Variants in DYNC2H1 observed in about 807,000 individuals in gnomAD.
DYNC2H1 encodes dynein cytoplasmic 2 heavy chain 1.
Under a neutral mutation model 570.0 loss-of-function variants are expected in DYNC2H1, and 410 were observed. The observed-to-expected ratio is 0.72, with a 90% CI of 0.66 to 0.78. The LOEUF is 0.78. Ranked by LOEUF, DYNC2H1 falls within the 30% of genes least tolerant of loss-of-function variation. The pLI, the probability that DYNC2H1 is intolerant of heterozygous loss-of-function variation, is 0.00. For missense variants in DYNC2H1, 4,865 were observed against 5,046.4 expected (o/e 0.96, Z 1.09); for synonymous variants, 1,688 against 1,677.6 (o/e 1.01, Z -0.15).
chr11:103,167,237 G>C (rs1861359865), intron 31 of DYNC2H1, among the ~76,000 whole-genome samples: 2 of 151,170 alleles, frequency 1.3e-5, no homozygotes, highest in Non-Finnish European at 1.5e-5. Context: ...GTACTTCTTA[G>C]AGCACTTTTA....
chr11:103,473,858 G>T (rs902630235), intron 88 of DYNC2H1, among the ~76,000 whole-genome samples: 4 of 152,160 alleles, frequency 2.6e-5, no homozygotes, highest in Non-Finnish European at 5.9e-5. Flanking sequence ...TCTTCTGATA[G>T]GCACAATTGA....
At chr11:103,111,690 CT>C (rs955253138) in intron 1 of DYNC2H1, among the ~76,000 whole-genome samples, 53 of 147,136 alleles carry the variant, frequency 3.6e-4, no homozygotes, top group Middle Eastern at 3.5e-3. Context: ...GAAGGTAGAA[CT>C]TTTTTTTTTT....
chr11:103,144,098 A>G (rs967896348), intron 18 of DYNC2H1, among the ~76,000 whole-genome samples: 1 of 152,238 alleles, frequency 6.6e-6, no homozygotes, highest in African/African-American at 2.4e-5. Flanking sequence ...TGAATTGCTT[A>G]TTCTCTGGTA....
At chr11:103,432,352 A>G (rs1478079396) in intron 84 of DYNC2H1, among the ~76,000 whole-genome samples, 1 of 152,192 alleles carries the variant, frequency 6.6e-6, no homozygotes, top group Non-Finnish European at 1.5e-5. Context: ...GTTCTTCTGC[A>G]GCTTCTCCTG....
chr11:103,302,338 G>A (rs1345598772), intron 75 of DYNC2H1, among the ~76,000 whole-genome samples: 1 of 152,042 alleles, frequency 6.6e-6, no homozygotes, highest in Non-Finnish European at 1.5e-5. Flanking sequence ...ATAATGCTTA[G>A]TATTCAGTAG....
At chr11:103,148,758 A>G (rs140799352) in intron 20 of DYNC2H1, 141 bp downstream of exon 20, 63 of 1,125,732 alleles carry the variant, frequency 5.6e-5, no homozygotes, top group Admixed American at 2.6e-4. Flanking sequence ...TTACCTGGTT[A>G]GCTCATGATT....
intron 70 of DYNC2H1, among the ~76,000 whole-genome samples, chr11:103,266,372 C>T (rs1175270719): frequency 6.6e-6 from 1 of 152,082 alleles, no homozygotes; most frequent in Non-Finnish European, 1.5e-5. Context: ...GGCAGGGCCC[C>T]TGTGGGTGCA....
At chr11:103,238,122 G>A (rs1170005945) in intron 63 of DYNC2H1, among the ~76,000 whole-genome samples, 1 of 152,108 alleles carries the variant, frequency 6.6e-6, no homozygotes, top group Non-Finnish European at 1.5e-5. Context: ...GGGTGTGATT[G>A]GATAGCACGT....
intron 84 of DYNC2H1, among the ~76,000 whole-genome samples, chr11:103,419,012 G>A (rs1943383099): frequency 6.6e-6 from 1 of 152,082 alleles, no homozygotes; most frequent in Non-Finnish European, 1.5e-5. Flanking sequence ...TAAAGAAGGG[G>A]GCTGAATTCA....
Position 103,243,284 on chromosome 11 carries a change from GATA to G in DYNC2H1, c.9820-408_9820-406del. Among the ~76,000 whole-genome samples, 1 of 140,548 alleles carries G rather than the reference GATA, an allele frequency of 7.1e-6. No individual in the cohort carries two copies. The highest frequency in any genetic ancestry group is 1.5e-5 in the Non-Finnish European group (1 of 64,726). The allele number at this position is 140,548 out of a possible 152,430, so 92.2% of individuals were successfully genotyped here. A position where few individuals can be genotyped will look rare whatever the true frequency, so the allele number is the denominator to read the frequency against. ...AGATAGATAGATAGATAGATAGATA[GATA>G]GATAGATAGATAGATAGATAAATAG... On this transcript the variant is annotated intron_variant, in intron 63 of 88. Transcript: ENST00000375735. The surrounding 1 kb of genome is among the most constrained non-coding windows in gnomAD (Gnocchi z 4.8).
At chr11:103,288,684 T>TAAAAAAAAAAAAAAGA (rs1866450594) in intron 75 of DYNC2H1, among the ~76,000 whole-genome samples, 1 of 27,904 alleles carries the variant, frequency 3.6e-5, no homozygotes, top group Non-Finnish European at 6.0e-5. Flanking sequence ...CCGTCTCTAC[T>TAAAAAAAAAAAAAAGA]AAAAAAAAAA....
Position 103,187,103 on chromosome 11 carries a change from A to AT in DYNC2H1, c.6894-230dup, listed in dbSNP as rs201771311. Among the ~76,000 whole-genome samples, 879 of 152,012 alleles carry AT rather than the reference A, an allele frequency of 5.8e-3. 4 individuals are homozygous for AT. The highest frequency in any genetic ancestry group is 0.019 in the African/African-American group (769 of 41,502). On this transcript the variant is annotated intron_variant, in intron 42 of 88. Coordinates refer to ENST00000375735, the MANE Select transcript of DYNC2H1 (RefSeq NM_001377.3). ...AACTAGATTAATTCTGAGAACTTTGATTTTTTTGGCTGAAAACAGTCCTCA... is the reference window on the plus strand; with the variant it reads ...AACTAGATTAATTCTGAGAACTTTGATTTTTTTTGGCTGAAAACAGTCCTCA...
intron 83 of DYNC2H1, among the ~76,000 whole-genome samples, chr11:103,390,183 G>C (rs1446999011): frequency 6.6e-6 from 1 of 152,172 alleles, no homozygotes; most frequent in Non-Finnish European, 1.5e-5. Flanking sequence ...GGGTGCTGCT[G>C]TATTGGGTGC....
intron 84 of DYNC2H1, chr11:103,404,605 T>G (rs1591695052): frequency 6.7e-6 from 1 of 149,268 alleles, no homozygotes; most frequent in Non-Finnish European, 1.5e-5. Context: ...ATAAATATAA[T>G]GGTGAAGTGG....
chr11:103,301,540 A>G (rs944780192), intron 75 of DYNC2H1, among the ~76,000 whole-genome samples: 2 of 151,968 alleles, frequency 1.3e-5, no homozygotes, highest in Non-Finnish European at 2.9e-5. Flanking sequence ...TAACAATTGA[A>G]TAGTTGTTAG....
intron 82 of DYNC2H1, among the ~76,000 whole-genome samples, chr11:103,329,342 G>A (rs1047327401): frequency 6.6e-6 from 1 of 151,850 alleles, no homozygotes; most frequent in Non-Finnish European, 1.5e-5. Context: ...TGGAAGAGGA[G>A]GGCTAAGTTA....
At chr11:103,336,891 T>A (rs1212254908) in intron 82 of DYNC2H1, among the ~76,000 whole-genome samples, 1 of 152,206 alleles carries the variant, frequency 6.6e-6, no homozygotes, top group Non-Finnish European at 1.5e-5. Context: ...ATTTCCTTTT[T>A]TTTGGATATA....
Position 103,113,713 on chromosome 11 carries a change from A to G in DYNC2H1, c.366+6A>G, listed in dbSNP as rs1307211488. 2.0e-6 allele frequency: 3 copies of G among 1,496,684 alleles called. No individual in the cohort carries two copies. The highest frequency in any genetic ancestry group is 1.8e-6 in the Non-Finnish European group (2 of 1,130,712). The allele number at this position is 1,496,684 out of a possible 1,614,324, so 92.7% of individuals were successfully genotyped here. A position where few individuals can be genotyped will look rare whatever the true frequency, so the allele number is the denominator to read the frequency against. On this transcript the variant is annotated splice_donor_region_variant and intron_variant, in intron 2 of 88. Transcript: ENST00000375735. ...TCGCACCAATGTTGTTAAAGGTGAG[A>G]AAAGAAGCTGTCATTTTTTTTAACT...
At chr11:103,470,083 G>C (rs1945324671) in intron 88 of DYNC2H1, among the ~76,000 whole-genome samples, 1 of 152,068 alleles carries the variant, frequency 6.6e-6, no homozygotes, top group Non-Finnish European at 1.5e-5. Context: ...AATAGAGCTT[G>C]AAGAGCAACT....
Sources: gnomAD v4.1 joint callset for allele counts (sites outside exome capture counted in the v4.1 genomes callset) on GRCh38, gnomAD v4.1.1 for gene constraint, Gnocchi (gnomAD v3.1) non-coding constraint, MANE v1.5 for transcripts, NCBI Gene and HGNC (gene_info 2026-07-23, HGNC 2026-07-21) for gene names.